The following PRKCZ variants were observed in gnomAD, a reference collection of about 807,000 sequenced individuals.
PRKCZ encodes the protein protein kinase C zeta type.
Under a neutral mutation model 79.5 loss-of-function variants are expected in PRKCZ, and 33 were observed. That is an observed-to-expected ratio of 0.41 (90% CI 0.31 to 0.55). The LOEUF is 0.55. Among genes scored for constraint, PRKCZ ranks in the 20% least tolerant of loss-of-function variants. PRKCZ has a pLI of 0.19. For missense variants in PRKCZ, 578 were observed against 813.5 expected, an observed-to-expected ratio of 0.71 and a Z score of 3.52; for synonymous variants, 342 against 320.9, an observed-to-expected ratio of 1.07 and a Z score of -0.70.
intron 16 of PRKCZ, chr1:2,182,861 G>A (rs1213910090): frequency 6.5e-6 from 1 of 153,346 alleles, no homozygotes; most frequent in Non-Finnish European, 1.5e-5. Flanking sequence ...GAGTGGGTTA[G>A]AGAGTGAGTG....
intron 4 of PRKCZ, among the ~76,000 whole-genome samples, chr1:2,081,271 TTA>T (rs1663457988): frequency 6.6e-6 from 1 of 152,212 alleles, no homozygotes. Flanking sequence ...TGTCGCTTAC[TTA>T]TTGCTCAGAT....
At chr1:2,093,358 C>T (rs1665855320) in intron 4 of PRKCZ, among the ~76,000 whole-genome samples, 1 of 152,136 alleles carries the variant, frequency 6.6e-6, no homozygotes, top group Admixed American at 6.5e-5. Flanking sequence ...CTCTGGCCGC[C>T]CTGGGGCAGG....
At chr1:2,114,642 T>C (rs1430054333) in intron 4 of PRKCZ, among the ~76,000 whole-genome samples, 1 of 152,066 alleles carries the variant, frequency 6.6e-6, no homozygotes, top group Non-Finnish European at 1.5e-5. Context: ...AGTGTGGTGG[T>C]GGACACCTGT....
At chr1:2,166,410 T>A (rs1157661222) in intron 10 of PRKCZ, among the ~76,000 whole-genome samples, 1 of 152,000 alleles carries the variant, frequency 6.6e-6, no homozygotes, top group Non-Finnish European at 1.5e-5. Flanking sequence ...CAGAGTGAGA[T>A]CTTGTCTCAG....
At chr1:2,051,041 T>G (rs937178747) in intron 1 of PRKCZ, 6 of 230,580 alleles carry the variant, frequency 2.6e-5, no homozygotes, top group Non-Finnish European at 5.1e-5. Flanking sequence ...CATCAAGTTG[T>G]GAAAACTCCT....
At chr1:2,121,417 C>G (rs924130526) in intron 4 of PRKCZ, among the ~76,000 whole-genome samples, 1 of 135,502 alleles carries the variant, frequency 7.4e-6, no homozygotes, top group Non-Finnish European at 1.5e-5. Flanking sequence ...TGTTTGGAGA[C>G]GAAGCCTTTG....
At chr1:2,061,625 C>G (rs1660682809) in intron 4 of PRKCZ, among the ~76,000 whole-genome samples, 1 of 152,176 alleles carries the variant, frequency 6.6e-6, no homozygotes, top group South Asian at 2.1e-4. Context: ...GCCAGAGCCT[C>G]TGGGGCAGCC....
At chr1:2,074,406 C>G (rs1282558570) in intron 4 of PRKCZ, 1 of 1,305,048 alleles carries the variant, frequency 7.7e-7, no homozygotes, top group East Asian at 2.5e-5. Context: ...GGGAGTTTCA[C>G]TGTGGCCGAT....
intron 9 of PRKCZ, among the ~76,000 whole-genome samples, chr1:2,154,893 G>A (rs1042848316): frequency 3.3e-5 from 5 of 152,234 alleles, no homozygotes; most frequent in Admixed American, 1.3e-4. Context: ...CTAGTGCTCT[G>A]GTGATGGGTG....
chr1:2,100,750 A>T (rs1667299692), intron 4 of PRKCZ, among the ~76,000 whole-genome samples: 1 of 152,154 alleles, frequency 6.6e-6, no homozygotes, highest in African/African-American at 2.4e-5. Context: ...AGCCCTGAGC[A>T]GGTGGGGTCT....
At chr1:2,123,343 G>A (rs1319773750) in intron 4 of PRKCZ, among the ~76,000 whole-genome samples, 1 of 19,226 alleles carries the variant, frequency 5.2e-5, no homozygotes, top group African/African-American at 3.9e-4. Context: ...TTAGGGTCAC[G>A]GTGGTGGTTA....
chr1:2,108,115 A>G (rs781491665), intron 4 of PRKCZ, among the ~76,000 whole-genome samples: 2 of 152,084 alleles, frequency 1.3e-5, no homozygotes, highest in Non-Finnish European at 2.9e-5. Context: ...CAGGGCCCGC[A>G]CTCTCAATAG....
intron 9 of PRKCZ, among the ~76,000 whole-genome samples, chr1:2,153,005 A>T (rs148159346): frequency 9.8e-5 from 15 of 152,372 alleles, no homozygotes; most frequent in African/African-American, 3.6e-4. Context: ...CAAACCTAGC[A>T]GTACAGTTGC....
chr1:2,130,779 A>C (rs1010596446), intron 4 of PRKCZ, among the ~76,000 whole-genome samples: 2 of 152,018 alleles, frequency 1.3e-5, no homozygotes, highest in Admixed American at 1.3e-4. Flanking sequence ...ACTCACCCTC[A>C]TGGAAACATC....
chr1:2,124,817 C>G (rs551528242), intron 4 of PRKCZ, among the ~76,000 whole-genome samples: 5 of 152,092 alleles, frequency 3.3e-5, no homozygotes, highest in Middle Eastern at 3.4e-3. Flanking sequence ...TGGCGCATCT[C>G]TCTGGCAACA....
chr1:2,176,263 C>G (rs909904327), intron 16 of PRKCZ, among the ~76,000 whole-genome samples: 1 of 152,190 alleles, frequency 6.6e-6, no homozygotes, highest in Non-Finnish European at 1.5e-5. Flanking sequence ...TCCCGAGGGG[C>G]TCTGCGTGCA....
At chr1:2,085,782 C>T (rs559279038) in intron 4 of PRKCZ, among the ~76,000 whole-genome samples, 9 of 151,750 alleles carry the variant, frequency 5.9e-5, no homozygotes, top group East Asian at 2.0e-4. Flanking sequence ...TCTCAGAGCC[C>T]GTGAGGCACC....
At chr1:2,103,582 C>T (rs1027594028) in intron 4 of PRKCZ, among the ~76,000 whole-genome samples, 3 of 152,100 alleles carry the variant, frequency 2.0e-5, no homozygotes, top group African/African-American at 7.2e-5. Flanking sequence ...AACCCCGCTT[C>T]CTTGAAGAGA....
chr1:2,078,722 C>T (rs779719628), intron 4 of PRKCZ, among the ~76,000 whole-genome samples: 1 of 151,964 alleles, frequency 6.6e-6, no homozygotes, highest in Non-Finnish European at 1.5e-5. Flanking sequence ...TTTTCCATTT[C>T]TTTGTTTATG....
Sources: gnomAD v4.1 joint callset for allele counts (sites outside exome capture counted in the v4.1 genomes callset) on GRCh38, gnomAD v4.1.1 for gene constraint, MANE v1.5 for transcripts, NCBI Gene and HGNC (gene_info 2026-07-23, HGNC 2026-07-21) for gene names.